CADM2: variants seen among roughly 807,000 people sequenced by gnomAD.
The protein encoded by CADM2 is cell adhesion molecule 2, also known as immunoglobulin superfamily member 4D.
In CADM2, 12 loss-of-function variants were observed where a neutral mutation model predicts 49.8. The observed-to-expected ratio is 0.24, with a 90% CI of 0.15 to 0.39. CADM2 has a LOEUF of 0.39. CADM2 is among the 10% of genes least tolerant of loss of function. CADM2 has a pLI of 1.00. For synonymous variants in CADM2, 214 were observed against 175.4 expected, an observed-to-expected ratio of 1.22 and a Z score of -1.74; for missense variants, 378 against 492.3, an observed-to-expected ratio of 0.77 and a Z score of 2.20.
chr3:85,247,002 G>T (rs2107849317), intron 1 of CADM2, among the ~76,000 whole-genome samples: 1 of 151,388 alleles, frequency 6.6e-6, no homozygotes, highest in African/African-American at 2.4e-5. Context: ...ATATATTGTT[G>T]TTTAATCAGA....
At chr3:85,652,852 A>G (rs1203275916) in intron 1 of CADM2, among the ~76,000 whole-genome samples, 1 of 124,304 alleles carries the variant, frequency 8.0e-6, no homozygotes, top group African/African-American at 3.2e-5. Flanking sequence ...ATCTCGGTTC[A>G]CTGTAACCTG....
intron 1 of CADM2, among the ~76,000 whole-genome samples, chr3:85,701,971 C>CATAG (rs57418964): frequency 0.016 from 2,101 of 134,260 alleles, 17 homozygotes; most frequent in Middle Eastern, 0.033. Context: ...GATAGATAGA[C>CATAG]ATAGATAGAT....
In CADM2 at chr3:85,577,326, A is replaced by G. The variant is rs1380725848; in HGVS notation, c.62-149196A>G. 4.6e-5 allele frequency among the ~76,000 whole-genome samples: 7 copies of G among 152,264 alleles called. No homozygotes were observed. In the East Asian group the frequency reaches 1.4e-3, roughly 29 times the overall value. On this transcript the variant is annotated intron_variant, in intron 1 of 9. Transcript: ENST00000383699. ...GAGGAGATTGGGTTAGAAGGGCTCT[A>G]CCCTCATGAATGAATGAATGCTGTT...
chr3:85,696,783 T>A (rs2066570601), intron 1 of CADM2, among the ~76,000 whole-genome samples: 1 of 151,914 alleles, frequency 6.6e-6, no homozygotes, highest in South Asian at 2.1e-4. Flanking sequence ...TAGATAAGAA[T>A]TACAACATTT....
chr3:85,380,533 T>C (rs539608942), intron 1 of CADM2, among the ~76,000 whole-genome samples: 41 of 152,098 alleles, frequency 2.7e-4, no homozygotes, highest in African/African-American at 9.9e-4. Flanking sequence ...TCAATTAATA[T>C]ATTTTTAAAT....
chr3:85,912,291 A>C (rs559038227), intron 5 of CADM2, 82 bp from the exon 6 acceptor site: 2 of 941,632 alleles, frequency 2.1e-6, no homozygotes, highest in African/African-American at 1.7e-5. Context: ...AATAGGGAGA[A>C]GCTGTTTCCA....
intron 1 of CADM2, among the ~76,000 whole-genome samples, chr3:85,680,228 T>C (rs918306961): frequency 1.3e-4 from 20 of 152,198 alleles, no homozygotes; most frequent in African/African-American, 4.8e-4. Flanking sequence ...TAAAAATTTT[T>C]CACACTTCTA....
At chr3:86,003,774 C>T (rs187580348) in intron 8 of CADM2, among the ~76,000 whole-genome samples, 1 of 152,238 alleles carries the variant, frequency 6.6e-6, no homozygotes, top group Non-Finnish European at 1.5e-5. Flanking sequence ...ACTCAAATGA[C>T]TCCTGGGATC....
intron 1 of CADM2, among the ~76,000 whole-genome samples, chr3:85,134,290 A>C (rs578176750): frequency 6.6e-6 from 1 of 152,178 alleles, no homozygotes; most frequent in Non-Finnish European, 1.5e-5. Context: ...GGCCTTGGCC[A>C]GCCCAGAAAG....
intron 1 of CADM2, among the ~76,000 whole-genome samples, chr3:85,327,037 CT>C (rs889112760): frequency 1.9e-4 from 29 of 150,000 alleles, no homozygotes; most frequent in African/African-American, 4.6e-4. Context: ...CTTAATGTGT[CT>C]TTTTTTTTCT....
intron 1 of CADM2, among the ~76,000 whole-genome samples, chr3:85,490,848 TA>T (rs879568855): frequency 3.7e-3 from 507 of 138,844 alleles, no homozygotes; most frequent in Middle Eastern, 0.011. Flanking sequence ...GTTCTGAGAG[TA>T]AAAAAAAAAA....
At chr3:85,713,185 C>T (rs1018526551) in intron 1 of CADM2, among the ~76,000 whole-genome samples, 12 of 152,170 alleles carry the variant, frequency 7.9e-5, no homozygotes, top group Admixed American at 6.5e-4. Flanking sequence ...GCAACCTCCG[C>T]CTCCCGGGTT....
At position 85,288,788 on chromosome 3, in the gene CADM2, C is replaced by G. The variant is rs866473895; in HGVS notation, c.61+329120C>G. Among the ~76,000 whole-genome samples, 10 of 128,530 alleles carry G rather than the reference C, an allele frequency of 7.8e-5. No individual in the cohort carries two copies. The East Asian group carries it at 2.2e-3, about 28-fold the overall frequency. The allele number at this position is 128,530 out of a possible 152,430, so 84.3% of individuals were successfully genotyped here. A position where few individuals can be genotyped will look rare whatever the true frequency, so the allele number is the denominator to read the frequency against. On this transcript the variant is annotated intron_variant, in intron 1 of 9. Coordinates refer to ENST00000383699, the MANE Select transcript of CADM2 (RefSeq NM_001167675.2). ...AGTATTCTGCTTTACCAATATGCCC[C>G]CCCCCCCTCTTTTTTTCCATCATGG...
At chr3:85,941,405 A>T (rs1300906161) in intron 7 of CADM2, among the ~76,000 whole-genome samples, 1 of 152,128 alleles carries the variant, frequency 6.6e-6, no homozygotes, top group Non-Finnish European at 1.5e-5. Context: ...ATTTTCAAAA[A>T]CATATTTAAA....
intron 1 of CADM2, among the ~76,000 whole-genome samples, chr3:85,604,136 T>C (rs1444944771): frequency 1.3e-5 from 2 of 151,962 alleles, no homozygotes; most frequent in Non-Finnish European, 2.9e-5. Context: ...ATGTATTCTT[T>C]GTGTACACAT....
chr3:85,567,966 C>T (rs1031308929), intron 1 of CADM2, among the ~76,000 whole-genome samples: 1 of 152,162 alleles, frequency 6.6e-6, no homozygotes, highest in Admixed American at 6.5e-5. Flanking sequence ...GAGCTCTCCC[C>T]CTTTTTGTTC....
intron 1 of CADM2, among the ~76,000 whole-genome samples, chr3:85,144,908 CTT>C (rs1198851881): frequency 1.3e-5 from 2 of 152,102 alleles, no homozygotes; most frequent in African/African-American, 4.8e-5. Flanking sequence ...TTTAACTACT[CTT>C]AGTGAAATTT....
At chr3:85,191,596 T>G (rs1183271172) in intron 1 of CADM2, among the ~76,000 whole-genome samples, 1 of 152,078 alleles carries the variant, frequency 6.6e-6, no homozygotes, top group Non-Finnish European at 1.5e-5. Context: ...TTGACTGCAG[T>G]CACAGTGTCT....
At chr3:85,127,295 T>G (rs986335504) in intron 1 of CADM2, among the ~76,000 whole-genome samples, 1 of 152,224 alleles carries the variant, frequency 6.6e-6, no homozygotes, top group Non-Finnish European at 1.5e-5. Context: ...TACTGGCCAC[T>G]TTTTAGAAAA....
Sources: gnomAD v4.1 joint callset for allele counts (sites outside exome capture counted in the v4.1 genomes callset) on GRCh38, gnomAD v4.1.1 for gene constraint, MANE v1.5 for transcripts, NCBI Gene and HGNC (gene_info 2026-07-23, HGNC 2026-07-21) for gene names.